LINGO2: variants seen among roughly 807,000 people sequenced by gnomAD.
The protein encoded by LINGO2 is leucine rich repeat and Ig domain containing 2, also known as leucine-rich repeat and immunoglobulin-like domain-containing nogo receptor-interacting protein 2.
Under a neutral mutation model 30.6 loss-of-function variants are expected in LINGO2, and 14 were observed. The observed-to-expected ratio is 0.46, with a 90% CI of 0.30 to 0.72. LINGO2 has a LOEUF of 0.72. LINGO2 is among the 30% of genes least tolerant of loss of function. The pLI is 0.07. For synonymous variants in LINGO2, 317 were observed against 288.5 expected, an observed-to-expected ratio of 1.10 and a Z score of -1.00; for missense variants, 729 against 751.7, an observed-to-expected ratio of 0.97 and a Z score of 0.35.
intron 4 of LINGO2, among the ~76,000 whole-genome samples, chr9:28,181,996 G>C (rs1278596076): frequency 6.6e-6 from 1 of 152,026 alleles, no homozygotes; most frequent in Non-Finnish European, 1.5e-5. Context: ...AGTAGACCCT[G>C]TATAGCCAAG....
chr9:28,242,205 G>T (rs1487737798), intron 4 of LINGO2, among the ~76,000 whole-genome samples: 1 of 152,142 alleles, frequency 6.6e-6, no homozygotes, highest in Non-Finnish European at 1.5e-5. Flanking sequence ...CTAACCCAAT[G>T]CAAAGAAGCT....
chr9:28,026,980 G>A (rs1189292297), intron 4 of LINGO2, among the ~76,000 whole-genome samples: 1 of 152,118 alleles, frequency 6.6e-6, no homozygotes, highest in Non-Finnish European at 1.5e-5. Flanking sequence ...ATAGCTTATT[G>A]TAGTTATCTA....
chr9:28,154,831 A>T (rs1051954464), intron 4 of LINGO2, among the ~76,000 whole-genome samples: 11 of 152,218 alleles, frequency 7.2e-5, no homozygotes, highest in Non-Finnish European at 1.3e-4. Flanking sequence ...TTTTTCTTGA[A>T]TGAAGACATC....
At chr9:28,015,137 C>T (rs1023884950) in intron 4 of LINGO2, among the ~76,000 whole-genome samples, 2 of 152,084 alleles carry the variant, frequency 1.3e-5, no homozygotes, top group African/African-American at 4.8e-5. Flanking sequence ...GCTACTCAGT[C>T]CTTATTCAAG....
chr9:28,053,279 A>T (rs10968309), intron 4 of LINGO2, among the ~76,000 whole-genome samples: 8,832 of 152,204 alleles, frequency 0.058, 323 homozygotes, highest in African/African-American at 0.079. Context: ...CAGCAGCAGC[A>T]ACACAGGCTA....
chr9:28,046,654 C>A (rs1391930322), intron 4 of LINGO2, among the ~76,000 whole-genome samples: 1 of 152,086 alleles, frequency 6.6e-6, no homozygotes, highest in East Asian at 1.9e-4. Flanking sequence ...TATTTTCCCT[C>A]CTGCTCATAG....
At chr9:29,205,367 T>G in the LINGO2 span, among the ~76,000 whole-genome samples, 1 of 152,184 alleles carries the variant, frequency 6.6e-6, no homozygotes, top group South Asian at 2.1e-4. Context: ...GTTAATATGG[T>G]GAACTATTCA....
At chr9:28,057,075 T>A (rs1824964904) in intron 4 of LINGO2, among the ~76,000 whole-genome samples, 1 of 152,148 alleles carries the variant, frequency 6.6e-6, no homozygotes, top group African/African-American at 2.4e-5. Flanking sequence ...ATGATTGTTA[T>A]TCTAATTTTG....
chr9:28,838,891 C>T, the LINGO2 span, among the ~76,000 whole-genome samples: 2 of 152,206 alleles, frequency 1.3e-5, no homozygotes, highest in South Asian at 4.1e-4. Context: ...GCATGGGACC[C>T]AGCCACTGTA....
intron 1 of LINGO2, among the ~76,000 whole-genome samples, chr9:28,593,833 T>C (rs1825045021): frequency 1.3e-5 from 2 of 152,154 alleles, no homozygotes; most frequent in Middle Eastern, 3.4e-3. Context: ...CCAAAGAACA[T>C]TACACCAGCT....
rs141350490 is a variant in LINGO2 at position 28,326,619 on chromosome 9, C to T, written c.-245-31253G>A. ...ATGAGATTAAGAACTATATTGGCAT[C>T]GTTCACTGTTTTGCTTTTCTTTAAT... is the stretch of plus-strand genomic sequence containing the variant. On this transcript the variant is annotated intron_variant, in intron 3 of 5. Coordinates refer to ENST00000379992, the Ensembl canonical transcript of LINGO2. 5.4e-3 allele frequency among the ~76,000 whole-genome samples: 819 copies of T among 152,300 alleles called. 10 individuals are homozygous for T. Among genetic ancestry groups the T allele is most frequent in the African/African-American group, 0.018 (736 of 41,562 alleles).
the LINGO2 span, among the ~76,000 whole-genome samples, chr9:28,873,059 G>C: frequency 1.3e-5 from 2 of 152,014 alleles, no homozygotes; most frequent in Non-Finnish European, 2.9e-5. Flanking sequence ...TCACATGACA[G>C]ATCAACATTC....
At chr9:28,497,216 G>T (rs903168646) in intron 1 of LINGO2, among the ~76,000 whole-genome samples, 3 of 152,134 alleles carry the variant, frequency 2.0e-5, no homozygotes, top group Non-Finnish European at 4.4e-5. Flanking sequence ...GCCTTGCTAG[G>T]TTGGGGAAGT....
At chr9:28,506,953 A>G (rs1587774680) in intron 1 of LINGO2, among the ~76,000 whole-genome samples, 1 of 152,000 alleles carries the variant, frequency 6.6e-6, no homozygotes, top group Non-Finnish European at 1.5e-5. Context: ...ATAAAATTCA[A>G]AAGAATTACA....
chr9:28,587,474 C>G (rs573994559), intron 1 of LINGO2, among the ~76,000 whole-genome samples: 29 of 152,068 alleles, frequency 1.9e-4, no homozygotes, highest in African/African-American at 5.8e-4. Context: ...TGTCTCTCAG[C>G]TCCGGAGAAT....
chr9:28,911,092 A>T, the LINGO2 span, among the ~76,000 whole-genome samples: 1 of 152,052 alleles, frequency 6.6e-6, no homozygotes, highest in African/African-American at 2.4e-5. Context: ...GAGATTGAAC[A>T]TAGGAAGAGA....
chr9:28,827,865 C>T, the LINGO2 span, among the ~76,000 whole-genome samples: 1 of 151,800 alleles, frequency 6.6e-6, no homozygotes, highest in Non-Finnish European at 1.5e-5. Context: ...TGATGTGAAC[C>T]AAGAATGTGA....
the LINGO2 span, among the ~76,000 whole-genome samples, chr9:29,167,831 C>G: frequency 6.6e-6 from 1 of 152,036 alleles, no homozygotes; most frequent in East Asian, 1.9e-4. Context: ...CTTATTCCAC[C>G]TATTTTAATA....
chr9:28,720,614 G>C, the LINGO2 span, among the ~76,000 whole-genome samples: 2 of 151,808 alleles, frequency 1.3e-5, no homozygotes, highest in Non-Finnish European at 1.5e-5. Context: ...GAATTCAAGG[G>C]AAAAAAGGAA....
Sources: gnomAD v4.1 joint callset for allele counts (sites outside exome capture counted in the v4.1 genomes callset) on GRCh38, gnomAD v4.1.1 for gene constraint, MANE v1.5 for transcripts, NCBI Gene and HGNC (gene_info 2026-07-23, HGNC 2026-07-21) for gene names.